PAK2: variants seen among roughly 807,000 people sequenced by gnomAD.
The protein encoded by PAK2 is serine/threonine-protein kinase PAK 2.
In PAK2, 21 loss-of-function variants were observed where a neutral mutation model predicts 65.9. The ratio of observed to expected loss-of-function variants is 0.32; its 90% CI spans 0.23 to 0.46. The LOEUF is 0.46. PAK2 is among the 20% of genes least tolerant of loss of function. The pLI, the probability that PAK2 is intolerant of heterozygous loss-of-function variation, is 1.00. For missense variants in PAK2, 324 were observed against 642.6 expected (o/e 0.50, Z 5.36); for synonymous variants, 204 against 219.7 (o/e 0.93, Z 0.63).
At chr3:196,761,658 A>G (rs1311083651) in intron 1 of PAK2, among the ~76,000 whole-genome samples, 20 of 136,544 alleles carry the variant, frequency 1.5e-4, no homozygotes, top group Admixed American at 1.1e-3. Flanking sequence ...GCCCGTTCTC[A>G]ATGAGCTGTT....
At chr3:196,753,997 T>C (rs1028563859) in intron 1 of PAK2, among the ~76,000 whole-genome samples, 6 of 152,234 alleles carry the variant, frequency 3.9e-5, no homozygotes, top group African/African-American at 1.4e-4. Flanking sequence ...CTGTCCCCTA[T>C]GTGAACTGCT....
intron 1 of PAK2, among the ~76,000 whole-genome samples, chr3:196,743,042 A>G (rs932911781): frequency 1.3e-5 from 2 of 152,148 alleles, no homozygotes; most frequent in African/African-American, 4.8e-5. Context: ...TTAATTGCAA[A>G]TTGTGTGTCC....
In PAK2 at chr3:196,803,379, G is replaced by A. The variant is rs541339404; in HGVS notation, c.436+215G>A. 2.2e-4 allele frequency among the ~76,000 whole-genome samples: 33 copies of A among 152,254 alleles called. No homozygotes were observed. The Middle Eastern group carries it at 0.01, about 47-fold the overall frequency. ...GTAATCTCATAGGTTTGCCAGAAAC[G>A]GGAGTTGATGGATATTTTGGCTTTT... On this transcript the variant is annotated intron_variant, in intron 4 of 14. Coordinates refer to ENST00000327134, the MANE Select transcript of PAK2 (RefSeq NM_002577.4).
chr3:196,770,926 G>GT (rs1714341533), intron 1 of PAK2, among the ~76,000 whole-genome samples: 1 of 151,830 alleles, frequency 6.6e-6, no homozygotes, highest in East Asian at 1.9e-4. Context: ...CCTGGCCTGA[G>GT]TTTTTTATAT....
chr3:196,754,261 C>A (rs1713700013), intron 1 of PAK2, among the ~76,000 whole-genome samples: 1 of 152,106 alleles, frequency 6.6e-6, no homozygotes, highest in Non-Finnish European at 1.5e-5. Context: ...GAAGGGTAAT[C>A]TTCCTTGTGG....
intron 2 of PAK2, among the ~76,000 whole-genome samples, chr3:196,790,761 G>A (rs890221102): frequency 6.6e-6 from 1 of 152,170 alleles, no homozygotes; most frequent in East Asian, 1.9e-4. Flanking sequence ...ACTAGCCAAG[G>A]AAGCTTGCAT....
At chr3:196,818,374 G>A (rs919831734) in intron 12 of PAK2, among the ~76,000 whole-genome samples, 1 of 152,068 alleles carries the variant, frequency 6.6e-6, no homozygotes, top group African/African-American at 2.4e-5. Flanking sequence ...CACTAGATAA[G>A]ACATTATTAG....
At chr3:196,825,549 A>G (rs1224290617) in intron 13 of PAK2, among the ~76,000 whole-genome samples, 1 of 151,466 alleles carries the variant, frequency 6.6e-6, no homozygotes, top group Non-Finnish European at 1.5e-5. Flanking sequence ...AGGCTGAGGC[A>G]GGAGAATCGC....
chr3:196,832,521 C>G lies in PAK2; in HGVS notation c.*4116C>G, dbSNP rs1408345832. The G allele has an allele frequency of 6.6e-6, 1 of 151,916 alleles. No homozygotes were observed. Among genetic ancestry groups the G allele is most frequent in the African/African-American group, 2.4e-5 (1 of 41,394 alleles). 9.4% of individuals were successfully genotyped at this position (151,916 alleles called of 1,614,324 possible). A position where few individuals can be genotyped will look rare whatever the true frequency, so the allele number is the denominator to read the frequency against. On this transcript the variant is annotated 3_prime_UTR_variant, in exon 15 of 15. Coordinates refer to ENST00000327134, the MANE Select transcript of PAK2 (RefSeq NM_002577.4). Reference sequence around the variant, plus strand: ...TTTTTCCCTTTCCTAAACTTTTATTCTTTCTTTTGATCAGCGTAAAAGAAT... The same window carrying G: ...TTTTTCCCTTTCCTAAACTTTTATTGTTTCTTTTGATCAGCGTAAAAGAAT...
At chr3:196,802,568 C>T (rs1344651887) in intron 3 of PAK2, among the ~76,000 whole-genome samples, 3 of 151,472 alleles carry the variant, frequency 2.0e-5, no homozygotes, top group Admixed American at 1.3e-4. Context: ...CTAGGCCGGG[C>T]GCGGTGGCTC....
In PAK2 at chr3:196,751,674, C is replaced by CATAT. The variant is rs149522539; in HGVS notation, c.-22+11535_-22+11538dup. On this transcript the variant is annotated intron_variant, in intron 1 of 14. Transcript: ENST00000327134. ...AAAAACACACAAATTTATTTATATA[C>CATAT]ATATATATATATATATATATAATTC... Among the ~76,000 whole-genome samples, 275 of 71,806 alleles carry CATAT rather than the reference C, an allele frequency of 3.8e-3. 18 individuals are homozygous for CATAT. The highest frequency in any genetic ancestry group is 0.012 in the East Asian group (43 of 3,618). 47.1% of individuals were successfully genotyped at this position (71,806 alleles called of 152,430 possible). A position where few individuals can be genotyped will look rare whatever the true frequency, so the allele number is the denominator to read the frequency against.
intron 1 of PAK2, among the ~76,000 whole-genome samples, chr3:196,770,691 C>T (rs959858096): frequency 2.6e-5 from 4 of 151,288 alleles, no homozygotes; most frequent in Non-Finnish European, 5.9e-5. Context: ...GGCACCATCT[C>T]GGCTCACTGT....
rs59501766 is a variant in PAK2 at position 196,822,457 on chromosome 3, G to A, written c.1350+1890G>A. On this transcript the variant is annotated intron_variant, in intron 13 of 14. Coordinates refer to ENST00000327134, the MANE Select transcript of PAK2 (RefSeq NM_002577.4). ...TCATCCCAGCATTTTGGGAGGCCAA[G>A]GTGGGAGGATTGCTTGAGCCTAGGA... 5.9e-3 allele frequency among the ~76,000 whole-genome samples: 897 copies of A among 152,324 alleles called. 7 individuals carry two copies. Among genetic ancestry groups the A allele is most frequent in the African/African-American group, 0.021 (858 of 41,570 alleles).
rs1160347093 is a variant in PAK2, at chr3:196,832,198, T to C, written c.*3793T>C. 6.6e-6 allele frequency: 1 copy of C among 152,222 alleles called. No homozygotes were observed. The highest frequency in any genetic ancestry group is 6.5e-5 in the Admixed American group (1 of 15,276). The allele number at this position is 152,222 out of a possible 1,614,324, so 9.4% of individuals were successfully genotyped here. A position where few individuals can be genotyped will look rare whatever the true frequency, so the allele number is the denominator to read the frequency against. ...TTCTGTCAAGCACACTTCTGTTCTC[T>C]TAGAACTTAGAAGTGTTTCTAAGAG... On this transcript the variant is annotated 3_prime_UTR_variant, in exon 15 of 15. Transcript: ENST00000327134.
At chr3:196,812,020 C>T (rs926995280) in intron 8 of PAK2, among the ~76,000 whole-genome samples, 199 bp from the exon 9 acceptor site, 4 of 151,976 alleles carry the variant, frequency 2.6e-5, no homozygotes. Flanking sequence ...AAATATTTCA[C>T]ACATAAGTTT....
At chr3:196,745,169 G>A (rs1713333015) in intron 1 of PAK2, among the ~76,000 whole-genome samples, 1 of 148,978 alleles carries the variant, frequency 6.7e-6, no homozygotes, top group Non-Finnish European at 1.5e-5. Context: ...AGGCTGGAGT[G>A]CAGTGTTGGA....
chr3:196,822,486 C>A (rs1051074744), intron 13 of PAK2, among the ~76,000 whole-genome samples: 26 of 152,200 alleles, frequency 1.7e-4, no homozygotes, highest in Admixed American at 1.3e-3. Flanking sequence ...CCTAGGAGTT[C>A]AAGGCCAGCC....
At chr3:196,759,054 C>G (rs1188060102) in intron 1 of PAK2, among the ~76,000 whole-genome samples, 2 of 152,148 alleles carry the variant, frequency 1.3e-5, no homozygotes, top group Non-Finnish European at 2.9e-5. Context: ...AGTAAATAAT[C>G]CAGATGCCTG....
chr3:196,801,285 A>G (rs911434329), intron 2 of PAK2, among the ~76,000 whole-genome samples: 3 of 152,072 alleles, frequency 2.0e-5, no homozygotes, highest in African/African-American at 7.2e-5. Context: ...AGCATCTGAG[A>G]TGTAGCCCTT....
Sources: allele counts gnomAD v4.1 joint callset (sites outside exome capture counted in the v4.1 genomes callset), GRCh38; gene constraint gnomAD v4.1.1; transcripts MANE v1.5; gene names NCBI Gene and HGNC (gene_info 2026-07-23, HGNC 2026-07-21).